Variants in ARHGAP24 observed in about 807,000 individuals in gnomAD.
ARHGAP24 encodes the protein rho GTPase-activating protein 24.
ARHGAP24 carries 50 observed loss-of-function variants against 76.4 expected under a neutral mutation model. The ratio of observed to expected loss-of-function variants is 0.65; its 90% CI spans 0.52 to 0.83. The LOEUF is 0.83. Ranked by LOEUF, ARHGAP24 falls within the 40% of genes least tolerant of loss-of-function variation. The pLI is 0.00. For missense variants in ARHGAP24, 930 were observed against 914.2 expected, an observed-to-expected ratio of 1.02 and a Z score of -0.22; for synonymous variants, 345 against 323.3, an observed-to-expected ratio of 1.07 and a Z score of -0.72.
chr4:85,869,008 A>C (rs1430438289), intron 3 of ARHGAP24, among the ~76,000 whole-genome samples: 1 of 151,672 alleles, frequency 6.6e-6, no homozygotes. Flanking sequence ...CTTTTGATAC[A>C]TGTACAACTA....
At position 85,899,655 on chromosome 4, in the gene ARHGAP24, A is replaced by C. The variant is rs137923157; in HGVS notation, c.269-23993A>C. Among the ~76,000 whole-genome samples, 4 of 152,332 alleles carry C rather than the reference A, an allele frequency of 2.6e-5. No individual in the cohort carries two copies. The East Asian group carries it at 7.7e-4, about 29-fold the overall frequency. ...TCCCAAGTAATATTAAACCGAAACC[A>C]AACAGTAAATTTGTAAGTGTAGCTT... On this transcript the variant is annotated intron_variant, in intron 3 of 9. Coordinates refer to ENST00000395184, the MANE Select transcript of ARHGAP24 (RefSeq NM_001025616.3).
At position 85,895,020 on chromosome 4, in the gene ARHGAP24, A is replaced by G. The variant is rs1734097379; in HGVS notation, c.269-28628A>G. On this transcript the variant is annotated intron_variant, in intron 3 of 9. Transcript: ENST00000395184. Reference sequence around the variant, plus strand: ...AAAAAGCAAAAAAAAAAAAAAAAAAAAGAAAAGAAAAGCAGGATTTTGGGG... The same window carrying G: ...AAAAAGCAAAAAAAAAAAAAAAAAAGAGAAAAGAAAAGCAGGATTTTGGGG... Among the ~76,000 whole-genome samples the G allele has an allele frequency of 1.6e-5, 2 of 124,690 alleles. 1 individual carries two copies. The highest frequency in any genetic ancestry group is 5.5e-4 in the South Asian group (2 of 3,660). 81.8% of individuals were successfully genotyped at this position (124,690 alleles called of 152,430 possible). A position where few individuals can be genotyped will look rare whatever the true frequency, so the allele number is the denominator to read the frequency against.
At chr4:85,647,335 G>T (rs1175157010) in intron 2 of ARHGAP24, among the ~76,000 whole-genome samples, 1 of 152,042 alleles carries the variant, frequency 6.6e-6, no homozygotes, top group African/African-American at 2.4e-5. Flanking sequence ...ATAGCAAAAT[G>T]GGAAAAATTA....
intron 1 of ARHGAP24, among the ~76,000 whole-genome samples, chr4:85,502,115 G>A (rs947863095): frequency 7.2e-5 from 11 of 152,072 alleles, no homozygotes; most frequent in Admixed American, 2.0e-4. Context: ...ATGCTATTTC[G>A]GTTACAGTAG....
At chr4:85,695,748 A>C (rs571056330) in intron 2 of ARHGAP24, among the ~76,000 whole-genome samples, 5 of 152,226 alleles carry the variant, frequency 3.3e-5, no homozygotes, top group African/African-American at 4.8e-5. Flanking sequence ...TATTCATTAG[A>C]GTAAATTAAT....
intron 3 of ARHGAP24, among the ~76,000 whole-genome samples, chr4:85,767,473 G>A (rs1726973346): frequency 6.6e-6 from 1 of 151,936 alleles, no homozygotes; most frequent in South Asian, 2.1e-4. Flanking sequence ...TAAAATTACA[G>A]CATGCTTTAT....
intron 3 of ARHGAP24, among the ~76,000 whole-genome samples, chr4:85,875,665 C>A (rs1732884103): frequency 2.6e-5 from 3 of 117,460 alleles, no homozygotes; most frequent in Non-Finnish European, 3.3e-5. Flanking sequence ...TATAATATAA[C>A]ATAAAATTTA....
At chr4:85,793,016 AG>A (rs1728196515) in intron 3 of ARHGAP24, among the ~76,000 whole-genome samples, 2 of 152,232 alleles carry the variant, frequency 1.3e-5, no homozygotes, top group Non-Finnish European at 2.9e-5. Context: ...TAAGATAAAT[AG>A]AGAGTTGACA....
At chr4:85,778,666 A>T in intron 3 of ARHGAP24, 1 of 983,468 alleles carries the variant, frequency 1.0e-6, no homozygotes, top group Non-Finnish European at 1.2e-6. Context: ...ATTTCCTTGT[A>T]GGTTTTTTTT....
chr4:85,501,149 AGTCTTTGCTATT>A (rs1723798238), intron 1 of ARHGAP24, among the ~76,000 whole-genome samples: 1 of 152,158 alleles, frequency 6.6e-6, no homozygotes, highest in African/African-American at 2.4e-5. Context: ...GTTGGTTCCA[AGTCTTTGCTATT>A]GTGAATAGTG....
At chr4:85,976,499 T>C (rs1385878480) in intron 7 of ARHGAP24, among the ~76,000 whole-genome samples, 1 of 152,200 alleles carries the variant, frequency 6.6e-6, no homozygotes, top group Non-Finnish European at 1.5e-5. Context: ...AAATTAGCAC[T>C]GTGACAGACA....
chr4:85,620,703 T>C (rs1490618389), intron 2 of ARHGAP24, among the ~76,000 whole-genome samples: 1 of 151,898 alleles, frequency 6.6e-6, no homozygotes, highest in Non-Finnish European at 1.5e-5. Context: ...GGGCTTAAGT[T>C]GTTTTTCTTT....
At chr4:85,703,872 A>G (rs901989038) in intron 2 of ARHGAP24, among the ~76,000 whole-genome samples, 3 of 152,134 alleles carry the variant, frequency 2.0e-5, no homozygotes, top group African/African-American at 7.2e-5. Context: ...CACCACCACA[A>G]TCAAACTATA....
intron 2 of ARHGAP24, among the ~76,000 whole-genome samples, chr4:85,665,948 A>AT (rs1722599200): frequency 6.6e-6 from 1 of 152,056 alleles, no homozygotes; most frequent in African/African-American, 2.4e-5. Context: ...TGCCCTTAAC[A>AT]TTTTTTCCTT....
chr4:85,909,813 T>G (rs1319231119), intron 3 of ARHGAP24, among the ~76,000 whole-genome samples: 1 of 152,242 alleles, frequency 6.6e-6, no homozygotes, highest in Non-Finnish European at 1.5e-5. Flanking sequence ...GAATTAGTTA[T>G]TTGTACTAGA....
intron 3 of ARHGAP24, among the ~76,000 whole-genome samples, chr4:85,910,335 C>A (rs1456283656): frequency 1.3e-5 from 2 of 152,184 alleles, no homozygotes; most frequent in Admixed American, 6.5e-5. Flanking sequence ...ATGTTTCAGC[C>A]CTGTGTTGTA....
At chr4:85,800,247 T>C (rs1728521171) in intron 3 of ARHGAP24, among the ~76,000 whole-genome samples, 1 of 152,174 alleles carries the variant, frequency 6.6e-6, no homozygotes, top group African/African-American at 2.4e-5. Context: ...TCTAAAATTA[T>C]TTCAAAATTT....
intron 3 of ARHGAP24, among the ~76,000 whole-genome samples, chr4:85,735,969 C>T (rs1273597332): frequency 1.3e-5 from 2 of 152,080 alleles, no homozygotes; most frequent in East Asian, 1.9e-4. Context: ...TTATTTTTCT[C>T]TCTTGCTCTG....
At position 85,972,058 on chromosome 4, in the gene ARHGAP24, G is replaced by A. The variant is rs1189628428; in HGVS notation, c.622G>A (p.Ala208Thr). The A allele has an allele frequency of 1.2e-6, 2 of 1,613,850 alleles. No homozygotes were observed. Among genetic ancestry groups the A allele is most frequent in the Non-Finnish European group, 8.5e-7 (1 of 1,179,916 alleles). The change falls in exon 6 of 10, where the codon GCA (alanine) becomes ACA (threonine). Residue 208 changes from alanine (A) to threonine (T), a missense_variant. By Grantham distance (58) the Ala-to-Thr change is moderately conservative. Coordinates refer to ENST00000395184, the MANE Select transcript of ARHGAP24 (RefSeq NM_001025616.3). Reference sequence around the variant, plus strand: ...CAGCAACACAGATGTACACACGGTGGCATCACTTCTTAAGCTGTACCTCCG... The same window carrying A: ...CAGCAACACAGATGTACACACGGTGACATCACTTCTTAAGCTGTACCTCCG... ...FDSNTDVHTV[A>T]SLLKLYLREL...
Sources: allele counts gnomAD v4.1 joint callset (sites outside exome capture counted in the v4.1 genomes callset), GRCh38; gene constraint gnomAD v4.1.1; transcripts MANE v1.5; gene names NCBI Gene and HGNC (gene_info 2026-07-23, HGNC 2026-07-21).